ARHGEF6: variants seen among roughly 807,000 people sequenced by gnomAD.
The protein encoded by ARHGEF6 is rho guanine nucleotide exchange factor 6.
In ARHGEF6, 9 loss-of-function variants were observed where a neutral mutation model predicts 70.3. The ratio of observed to expected loss-of-function variants is 0.13; its 90% CI spans 0.08 to 0.22. The LOEUF (loss-of-function observed/expected upper bound fraction) is 0.22, where lower values mean the gene tolerates loss of function less well. ARHGEF6 is among the 10% of genes least tolerant of loss of function. The pLI is 1.00. For missense variants in ARHGEF6, 470 were observed against 563.0 expected (o/e 0.83, Z 1.67); for synonymous variants, 201 against 207.8 (o/e 0.97, Z 0.28).
chrX:136,774,558 T>C (rs2077388007), intron 2 of ARHGEF6, among the ~76,000 whole-genome samples: 1 of 102,503 alleles, frequency 9.8e-6, no homozygotes, highest in Admixed American at 1.1e-4. Context: ...GGCTGAGGCA[T>C]GAGAATTGCT....
rs1556284733 is a variant in ARHGEF6 at position 136,727,325 on chromosome X, T to TTCTTTCTC, written c.732+4776_732+4777insGAGAAAGA. On this transcript the variant is annotated intron_variant, in intron 6 of 21. Transcript: ENST00000250617. ...CTGTAGTCTTTCTTTCTTTCTTTCT[T>TTCTTTCTC]TTTCTTTCTTTCTTTCTTTCTTTCT... Among the ~76,000 whole-genome samples the TTCTTTCTC allele has an allele frequency of 1.5e-3, 90 of 61,112 alleles. 2 individuals carry two copies. Among genetic ancestry groups the TTCTTTCTC allele is most frequent in the South Asian group, 5.4e-3 (5 of 927 alleles). 53.1% of individuals were successfully genotyped at this position (61,112 alleles called of 115,157 possible).
chrX:136,772,545 A>G lies in ARHGEF6; in HGVS notation c.249+6869T>C, dbSNP rs2077370986. Reference sequence around the variant, plus strand: ...ATACACCTGCTATGTACCCACAAAAATTGAAAGTAAAAAACAAAAATGTCT... The same window carrying G: ...ATACACCTGCTATGTACCCACAAAAGTTGAAAGTAAAAAACAAAAATGTCT... On this transcript the variant is annotated intron_variant, in intron 2 of 21. Coordinates refer to ENST00000250617, the MANE Select transcript of ARHGEF6 (RefSeq NM_004840.3). Among the ~76,000 whole-genome samples the G allele has an allele frequency of 2.7e-5, 3 of 112,483 alleles. No homozygotes were observed. The South Asian group carries it at 1.1e-3, about 42-fold the overall frequency.
At chrX:136,674,386 T>C (rs971959638) in intron 19 of ARHGEF6, among the ~76,000 whole-genome samples, 17 of 112,432 alleles carry the variant, frequency 1.5e-4, no homozygotes, top group Admixed American at 1.3e-3. Flanking sequence ...TGACCTGTCT[T>C]TTTAAAAGCA....
intron 12 of ARHGEF6, among the ~76,000 whole-genome samples, chrX:136,683,520 G>A (rs1373471999): frequency 3.6e-5 from 4 of 110,143 alleles, no homozygotes; most frequent in Non-Finnish European, 3.8e-5. Context: ...CACCACTCCC[G>A]GCTAATTTTG....
intron 8 of ARHGEF6, 60 bp downstream of exon 8, chrX:136,708,615 G>A (rs1057312653): frequency 1.9e-6 from 2 of 1,031,644 alleles, no homozygotes; most frequent in Admixed American, 4.5e-5. Flanking sequence ...CAGGTAAAAG[G>A]AAAACAAAAC....
At chrX:136,710,086 A>T (rs1379890491) in intron 7 of ARHGEF6, among the ~76,000 whole-genome samples, 1 of 109,997 alleles carries the variant, frequency 9.1e-6, no homozygotes, top group East Asian at 2.9e-4. Flanking sequence ...CAGGCAGATC[A>T]CTTGAGGTCA....
intron 2 of ARHGEF6, chrX:136,767,772 G>A (rs933004548): frequency 4.9e-5 from 37 of 753,771 alleles, no homozygotes; most frequent in African/African-American, 2.8e-4. Flanking sequence ...TGGGCCAGCA[G>A]CGGGTAAGCA....
At chrX:136,728,838 T>C (rs2076897151) in intron 6 of ARHGEF6, among the ~76,000 whole-genome samples, 1 of 109,339 alleles carries the variant, frequency 9.1e-6, no homozygotes, top group South Asian at 4.0e-4. Context: ...AAATTGATCT[T>C]CTCCTGACCT....
chrX:136,667,148 C>A lies in ARHGEF6; in HGVS notation c.*881G>T, dbSNP rs1440672406. 8.9e-6 allele frequency: 1 copy of A among 112,422 alleles called. No homozygotes were observed. The highest frequency in any genetic ancestry group is 1.9e-5 in the Non-Finnish European group (1 of 53,283). 9.3% of individuals were successfully genotyped at this position (112,422 alleles called of 1,213,427 possible). A position where few individuals can be genotyped will look rare whatever the true frequency, so the allele number is the denominator to read the frequency against. On this transcript the variant is annotated 3_prime_UTR_variant, in exon 22 of 22. Coordinates refer to ENST00000250617, the MANE Select transcript of ARHGEF6 (RefSeq NM_004840.3). The stretch of plus-strand genomic sequence containing the variant: ...CACATACATACTAGTTTACACACCA[C>A]TTGGTAAGGTTGGCTAAAAGTACTG...
At chrX:136,701,503 C>A (rs891957040) in intron 9 of ARHGEF6, among the ~76,000 whole-genome samples, 1 of 110,771 alleles carries the variant, frequency 9.0e-6, no homozygotes, top group Non-Finnish European at 1.9e-5. Flanking sequence ...AAATGACAAC[C>A]TAGAATTCTG....
intron 19 of ARHGEF6, among the ~76,000 whole-genome samples, chrX:136,673,769 T>C (rs1452874559): frequency 9.0e-6 from 1 of 111,518 alleles, no homozygotes; most frequent in East Asian, 2.8e-4. Flanking sequence ...GCGACAGTCC[T>C]CTCTTCATGG....
intron 2 of ARHGEF6, among the ~76,000 whole-genome samples, chrX:136,752,334 G>A (rs1387246679): frequency 8.9e-6 from 1 of 111,894 alleles, no homozygotes; most frequent in African/African-American, 3.3e-5. Flanking sequence ...GCCAAAAGAG[G>A]GGAAAAGCTA....
At chrX:136,756,299 ATTT>A (rs2077206551) in intron 2 of ARHGEF6, among the ~76,000 whole-genome samples, 1 of 111,363 alleles carries the variant, frequency 9.0e-6, no homozygotes, top group South Asian at 3.8e-4. Context: ...ACGGTTGTTA[ATTT>A]TTTAAGTTGT....
chrX:136,744,998 T>C (rs897633120), intron 4 of ARHGEF6, among the ~76,000 whole-genome samples: 3 of 111,780 alleles, frequency 2.7e-5, no homozygotes, highest in African/African-American at 9.8e-5. Context: ...TGCCTAATTC[T>C]CGTAAGGGAC....
At chrX:136,697,930 A>G (rs1213911746) in intron 9 of ARHGEF6, among the ~76,000 whole-genome samples, 1 of 112,474 alleles carries the variant, frequency 8.9e-6, no homozygotes, top group African/African-American at 3.2e-5. Flanking sequence ...GTCAGACTTA[A>G]TAAAGTCTTC....
At chrX:136,742,708 C>G (rs1205590284) in intron 5 of ARHGEF6, among the ~76,000 whole-genome samples, 3 of 111,830 alleles carry the variant, frequency 2.7e-5, no homozygotes, top group Non-Finnish European at 5.6e-5. Context: ...GGCACAGTGG[C>G]TTATGCCTGT....
chrX:136,703,309 A>C (rs759109667), intron 9 of ARHGEF6, among the ~76,000 whole-genome samples: 1 of 112,072 alleles, frequency 8.9e-6, no homozygotes, highest in Admixed American at 9.5e-5. Flanking sequence ...ACAACCCAAA[A>C]AATGAAAGCA....
chrX:136,699,246 T>C (rs770414265), intron 9 of ARHGEF6, among the ~76,000 whole-genome samples: 3 of 111,127 alleles, frequency 2.7e-5, no homozygotes, highest in Non-Finnish European at 5.7e-5. Flanking sequence ...GAAACAGTTA[T>C]ACAGGAGTCA....
chrX:136,679,494 A>G lies in ARHGEF6; in HGVS notation c.1830+41T>C, dbSNP rs369009271. 51 of 1,194,598 alleles carry G rather than the reference A, an allele frequency of 4.3e-5. No homozygotes were observed. In the African/African-American group the frequency reaches 8.2e-4, roughly 19 times the overall value. On this transcript the variant is annotated intron_variant, in intron 16 of 21. Transcript: ENST00000250617. ...ACTATTTGTAATAAGCTACGAAATT[A>G]ACTTGTCAGAAGCATTTTATACCAT...
Sources: allele counts gnomAD v4.1 joint callset (sites outside exome capture counted in the v4.1 genomes callset), GRCh38; gene constraint gnomAD v4.1.1; transcripts MANE v1.5; gene names NCBI Gene and HGNC (gene_info 2026-07-23, HGNC 2026-07-21).